COL5A2: variants seen among roughly 807,000 people sequenced by gnomAD.
COL5A2 encodes collagen alpha-2(V) chain.
A neutral mutation model predicts 208.2 loss-of-function variants in COL5A2; 23 were observed. The ratio of observed to expected loss-of-function variants is 0.11; its 90% confidence interval spans 0.08 to 0.16. COL5A2 has a LOEUF of 0.16. Among genes scored for constraint, COL5A2 ranks in the 10% least tolerant of loss-of-function variants. The pLI, the probability that COL5A2 is intolerant of heterozygous loss-of-function variation, is 1.00. For synonymous variants in COL5A2, 625 were observed against 628.5 expected, an observed-to-expected ratio of 0.99 and a Z score of 0.08; for missense variants, 1,590 against 1,956.4, an observed-to-expected ratio of 0.81 and a Z score of 3.53.
the COL5A2 span, among the ~76,000 whole-genome samples, chr2:189,314,754 C>A: frequency 5.3e-5 from 8 of 152,124 alleles, 1 homozygote; most frequent in East Asian, 1.5e-3. Context: ...GGGATATTAC[C>A]ACTGACCCCA....
chr2:189,255,293 C>T, the COL5A2 span, among the ~76,000 whole-genome samples: 1 of 152,332 alleles, frequency 6.6e-6, no homozygotes, highest in African/African-American at 2.4e-5. Context: ...TTTGCACTCT[C>T]TAATTATTAA....
chr2:189,421,491 C>T, the COL5A2 span, among the ~76,000 whole-genome samples: 1 of 152,080 alleles, frequency 6.6e-6, no homozygotes, highest in African/African-American at 2.4e-5. Context: ...ACCCCTTCCC[C>T]AACCCCAGGT....
intron 1 of COL5A2, among the ~76,000 whole-genome samples, chr2:189,120,593 TTATGAG>T (rs1289774630): frequency 6.6e-6 from 1 of 152,214 alleles, no homozygotes; most frequent in East Asian, 1.9e-4. Flanking sequence ...TTACATTCAC[TTATGAG>T]TATATCATCT....
intron 1 of COL5A2, among the ~76,000 whole-genome samples, chr2:189,136,012 A>G (rs952225252): frequency 2.0e-5 from 3 of 152,192 alleles, no homozygotes; most frequent in Admixed American, 6.5e-5. Flanking sequence ...AGTCACATTT[A>G]TTCCCTGGAT....
At chr2:189,113,575 A>G (rs1256407351) in intron 1 of COL5A2, among the ~76,000 whole-genome samples, 1 of 149,260 alleles carries the variant, frequency 6.7e-6, no homozygotes, top group Non-Finnish European at 1.5e-5. Context: ...GTGGAGTGCT[A>G]TATTTGTTAT....
chr2:189,357,853 T>C, the COL5A2 span, among the ~76,000 whole-genome samples: 1 of 151,236 alleles, frequency 6.6e-6, no homozygotes, highest in East Asian at 2.0e-4. Context: ...CCTGGTGGCA[T>C]AGGCACCAGA....
chr2:189,213,826 C>A (rs1559147508), intron 1 of COL5A2, among the ~76,000 whole-genome samples: 1 of 152,126 alleles, frequency 6.6e-6, no homozygotes, highest in Non-Finnish European at 1.5e-5. Context: ...AGTTCCTCTG[C>A]AGGAAAGTAG....
At chr2:189,335,944 T>C in the COL5A2 span, among the ~76,000 whole-genome samples, 1 of 152,098 alleles carries the variant, frequency 6.6e-6, no homozygotes, top group East Asian at 1.9e-4. Context: ...AAAAAGGAAA[T>C]CATTAAGAAA....
the COL5A2 span, among the ~76,000 whole-genome samples, chr2:189,255,257 A>T: frequency 6.6e-6 from 1 of 152,252 alleles, no homozygotes; most frequent in East Asian, 1.9e-4. Flanking sequence ...GTCCAATTCA[A>T]ATATAAATTT....
rs532185530 is a variant in COL5A2 at position 189,142,540 on chromosome 2, C to T, written c.98-32091G>A. 1.4e-3 allele frequency among the ~76,000 whole-genome samples: 208 copies of T among 152,106 alleles called. 1 individual carries two copies. Among genetic ancestry groups the T allele is most frequent in the Non-Finnish European group, 1.8e-3 (120 of 67,970 alleles). ...TGATTATCATTATATTAATGAATGT[C>T]CACTAAAGAATATAATTTAAATGCT... On this transcript the variant is annotated intron_variant, in intron 1 of 53. Transcript: ENST00000374866.
chr2:189,311,948 TG>T, the COL5A2 span: 4 of 763,074 alleles, frequency 5.2e-6, no homozygotes, highest in Non-Finnish European at 9.5e-6. Flanking sequence ...TGTCTCCAGC[TG>T]CAGCCGAGTG....
chr2:189,183,835 C>G (rs1163245209), upstream of COL5A2, among the ~76,000 whole-genome samples: 1 of 152,154 alleles, frequency 6.6e-6, no homozygotes, highest in African/African-American at 2.4e-5. Context: ...CTGCTTTCCT[C>G]TTGTTGTTTT....
chr2:189,163,071 A>G (rs536232744), intron 1 of COL5A2, among the ~76,000 whole-genome samples: 18 of 152,266 alleles, frequency 1.2e-4, no homozygotes, highest in African/African-American at 3.6e-4. Context: ...AAGAACAAAT[A>G]TGATCTACTC....
At chr2:189,269,429 TGA>T in the COL5A2 span, among the ~76,000 whole-genome samples, 1 of 152,118 alleles carries the variant, frequency 6.6e-6, no homozygotes, top group Non-Finnish European at 1.5e-5. Flanking sequence ...TCTAGTTTAT[TGA>T]GAGTTTTTAG....
the COL5A2 span, among the ~76,000 whole-genome samples, chr2:189,349,744 T>G: frequency 6.6e-6 from 1 of 152,172 alleles, no homozygotes; most frequent in African/African-American, 2.4e-5. Flanking sequence ...TGGAACAAAC[T>G]AACTCTTCTC....
the COL5A2 span, among the ~76,000 whole-genome samples, chr2:189,325,119 A>T: frequency 6.6e-6 from 1 of 151,986 alleles, no homozygotes; most frequent in African/African-American, 2.4e-5. Context: ...TGGAACAATG[A>T]GAACACTTGG....
chr2:189,407,970 C>G, the COL5A2 span, among the ~76,000 whole-genome samples: 3 of 152,168 alleles, frequency 2.0e-5, no homozygotes, highest in Non-Finnish European at 2.9e-5. Context: ...AGACCTTTTA[C>G]TGAGGATGCA....
chr2:189,286,835 A>C, the COL5A2 span, among the ~76,000 whole-genome samples: 1 of 152,188 alleles, frequency 6.6e-6, no homozygotes, highest in Non-Finnish European at 1.5e-5. Context: ...CAGCAGAGAA[A>C]AATATTCTAA....
At chr2:189,436,569 T>G in the COL5A2 span, among the ~76,000 whole-genome samples, 1 of 152,134 alleles carries the variant, frequency 6.6e-6, no homozygotes, top group Non-Finnish European at 1.5e-5. Flanking sequence ...ACTGTAGCAC[T>G]ATTTAAAATA....
Sources: allele counts gnomAD v4.1 joint callset (sites outside exome capture counted in the v4.1 genomes callset), GRCh38; gene constraint gnomAD v4.1.1; transcripts MANE v1.5; gene names NCBI Gene and HGNC (gene_info 2026-07-23, HGNC 2026-07-21).